Variants in HIPK2 observed in about 807,000 individuals in gnomAD.
The protein encoded by HIPK2 is homeodomain-interacting protein kinase 2.
In HIPK2, 27 loss-of-function variants were observed where a neutral mutation model predicts 113.7. The observed-to-expected ratio is 0.24, with a 90% CI of 0.17 to 0.33. HIPK2 has a LOEUF of 0.33. Ranked by LOEUF, HIPK2 falls within the 10% of genes least tolerant of loss-of-function variation. The pLI is 1.00. For missense variants in HIPK2, 1,257 were observed against 1,588.0 expected (o/e 0.79, Z 3.54); for synonymous variants, 631 against 642.2 (o/e 0.98, Z 0.26).
At chr7:139,710,987 G>C (rs1795048296) in intron 2 of HIPK2, among the ~76,000 whole-genome samples, 1 of 147,516 alleles carries the variant, frequency 6.8e-6, no homozygotes, top group Non-Finnish European at 1.5e-5. Context: ...CCGCAGAACT[G>C]TGAGTCAATT....
At chr7:139,651,847 T>C (rs1208697379) in intron 2 of HIPK2, among the ~76,000 whole-genome samples, 1 of 152,208 alleles carries the variant, frequency 6.6e-6, no homozygotes, top group African/African-American at 2.4e-5. Context: ...GATCCGATGT[T>C]ATGTTTCTGC....
chr7:139,583,644 G>T, intron 13 of HIPK2, 173 bp downstream of exon 13: 1 of 892,528 alleles, frequency 1.1e-6, no homozygotes, highest in Non-Finnish European at 1.7e-6. Flanking sequence ...ACAATGTGCT[G>T]TTCAGCAGAA....
chr7:139,706,031 G>T (rs1794888122), intron 2 of HIPK2, among the ~76,000 whole-genome samples: 2 of 152,168 alleles, frequency 1.3e-5, no homozygotes, highest in Admixed American at 6.5e-5. Flanking sequence ...AGGTTACGAG[G>T]CCCCGGGGAT....
chr7:139,765,929 C>A (rs1300752203), intron 1 of HIPK2, among the ~76,000 whole-genome samples: 1 of 152,222 alleles, frequency 6.6e-6, no homozygotes, highest in African/African-American at 2.4e-5. Flanking sequence ...TGTCCTACCA[C>A]CTTATCTTTC....
At chr7:139,680,131 T>G (rs930367698) in intron 2 of HIPK2, among the ~76,000 whole-genome samples, 8 of 152,176 alleles carry the variant, frequency 5.3e-5, no homozygotes, top group African/African-American at 1.9e-4. Flanking sequence ...AAATAATCAT[T>G]AAACAGAATT....
chr7:139,605,235 G>GGTGTGTGTGT (rs34675356), intron 9 of HIPK2, among the ~76,000 whole-genome samples: 1 of 147,560 alleles, frequency 6.8e-6, no homozygotes, highest in African/African-American at 2.5e-5. Context: ...TAGATTCACT[G>GGTGTGTGTGT]GTGTGTGTGT....
chr7:139,628,982 T>C lies in HIPK2; in HGVS notation c.1405A>G (p.Ile469Val). ...GIKSKEARKY[I>V]FNCLDDMAQV... Reference sequence around the variant, plus strand: ...GCCATATCATCTAAACAGTTGAAAATGTACTTTCTTGCTTCTTTTGACTTA... The same window carrying C: ...GCCATATCATCTAAACAGTTGAAAACGTACTTTCTTGCTTCTTTTGACTTA... Residue 469 changes from isoleucine to valine, a missense_variant, in exon 5 of 15, where the codon ATT becomes GTT. Ile to Val is a conservative substitution (Grantham distance 29, BLOSUM62 3). This residue lies in a region of HIPK2 where 862 missense variants were observed against 1,004.3 expected (regional missense o/e 0.86). Coordinates refer to ENST00000406875, the MANE Select transcript of HIPK2 (RefSeq NM_022740.5). 2 of 1,596,218 alleles carry C rather than the reference T, an allele frequency of 1.3e-6. No homozygotes were observed. Among genetic ancestry groups the C allele is most frequent in the South Asian group, 1.1e-5 (1 of 88,100 alleles).
rs1798105680 is a variant in HIPK2, at chr7:139,566,852, G to C, written c.*6075C>G. ...GGATCTGAGATGAGGGGCTCCCAGA[G>C]GCTTGGGCAAGTCCAGCGGGGGGCA... is the stretch of plus-strand genomic sequence containing the variant. On this transcript the variant is annotated 3_prime_UTR_variant, in exon 15 of 15. Transcript: ENST00000406875. This position sits in a 1 kb window ranked among gnomAD's most constrained non-coding sequence, Gnocchi z 4.1. 6.6e-6 allele frequency: 1 copy of C among 152,288 alleles called. No individual in the cohort carries two copies. Among genetic ancestry groups the C allele is most frequent in the Non-Finnish European group, 1.5e-5 (1 of 68,074 alleles). 9.4% of individuals were successfully genotyped at this position (152,288 alleles called of 1,614,324 possible).
rs962907198 is a variant in HIPK2 at position 139,571,515 on chromosome 7, C to G, written c.*1412G>C. On this transcript the variant is annotated 3_prime_UTR_variant, in exon 15 of 15. Coordinates refer to ENST00000406875, the MANE Select transcript of HIPK2 (RefSeq NM_022740.5). ...AACTCAACTCCCGCCGTCCCCATCT[C>G]CAGACGCACCCGCCGGGCATCTGTC... is the stretch of plus-strand genomic sequence containing the variant. 5 of 152,292 alleles carry G rather than the reference C, an allele frequency of 3.3e-5. No homozygotes were observed. The highest frequency in any genetic ancestry group is 4.4e-5 in the Non-Finnish European group (3 of 68,094). 9.4% of individuals were successfully genotyped at this position (152,292 alleles called of 1,614,324 possible).
chr7:139,727,821 C>A (rs1795629148), intron 1 of HIPK2, among the ~76,000 whole-genome samples: 1 of 152,122 alleles, frequency 6.6e-6, no homozygotes, highest in Non-Finnish European at 1.5e-5. Flanking sequence ...GAAGCAAACA[C>A]TGATAAGACA....
At chr7:139,701,443 C>G (rs1315648392) in intron 2 of HIPK2, among the ~76,000 whole-genome samples, 1 of 152,230 alleles carries the variant, frequency 6.6e-6, no homozygotes, top group South Asian at 2.1e-4. Flanking sequence ...CCAAAGCCCT[C>G]ACCTAGAACG....
At chr7:139,664,268 G>A (rs1159708150) in intron 2 of HIPK2, among the ~76,000 whole-genome samples, 5 of 152,162 alleles carry the variant, frequency 3.3e-5, no homozygotes, top group African/African-American at 4.8e-5. Flanking sequence ...TGGGTATAGT[G>A]GCTCAAGCCT....
At chr7:139,576,936 T>C (rs1798512220) in intron 13 of HIPK2, among the ~76,000 whole-genome samples, 1 of 152,118 alleles carries the variant, frequency 6.6e-6, no homozygotes, top group Non-Finnish European at 1.5e-5. Context: ...AGAGATGCTT[T>C]ACTAGCCCCC....
intron 13 of HIPK2, among the ~76,000 whole-genome samples, chr7:139,583,198 A>G (rs1038438100): frequency 6.6e-6 from 1 of 152,256 alleles, no homozygotes; most frequent in Non-Finnish European, 1.5e-5. Flanking sequence ...CAAAATCTAC[A>G]GTGAGCCACT....
chr7:139,715,062 A>T (rs973611815), intron 2 of HIPK2, among the ~76,000 whole-genome samples: 3 of 152,188 alleles, frequency 2.0e-5, no homozygotes, highest in Non-Finnish European at 4.4e-5. Flanking sequence ...TCTCAGCTCC[A>T]TGTCGGCAGC....
intron 2 of HIPK2, among the ~76,000 whole-genome samples, chr7:139,662,984 TCTGA>T (rs1477613426): frequency 2.6e-5 from 4 of 152,198 alleles, no homozygotes; most frequent in African/African-American, 7.2e-5. Context: ...AAGTCCTGTC[TCTGA>T]CTATCAGGGC....
intron 1 of HIPK2, among the ~76,000 whole-genome samples, chr7:139,743,682 T>C (rs536841472): frequency 6.7e-6 from 1 of 149,436 alleles, no homozygotes; most frequent in South Asian, 2.1e-4. Flanking sequence ...CTGTTCCAAG[T>C]TCCAGACTGG....
chr7:139,643,413 T>G (rs987966082), intron 2 of HIPK2, among the ~76,000 whole-genome samples: 6 of 148,782 alleles, frequency 4.0e-5, no homozygotes, highest in Non-Finnish European at 9.1e-5. Flanking sequence ...CACACACATT[T>G]TCACACTGAT....
At chr7:139,620,109 T>C (rs951531728) in intron 7 of HIPK2, among the ~76,000 whole-genome samples, 4 of 152,074 alleles carry the variant, frequency 2.6e-5, no homozygotes, top group Non-Finnish European at 4.4e-5. Flanking sequence ...AAAAGGATCA[T>C]AGCACCCCCT....
Sources: gnomAD v4.1 joint callset for allele counts (sites outside exome capture counted in the v4.1 genomes callset) on GRCh38, gnomAD v4.1.1 for gene constraint, gnomAD v4.1.1 regional missense constraint, Gnocchi (gnomAD v3.1) non-coding constraint, MANE v1.5 for transcripts, NCBI Gene and HGNC (gene_info 2026-07-23, HGNC 2026-07-21) for gene names.